EML1: variants seen among roughly 807,000 people sequenced by gnomAD.
EML1 encodes the protein echinoderm microtubule-associated protein-like 1.
A neutral mutation model predicts 110.4 loss-of-function variants in EML1; 27 were observed. The observed-to-expected ratio is 0.24, with a 90% CI of 0.18 to 0.34. The LOEUF (loss-of-function observed/expected upper bound fraction) is 0.34. EML1 is among the 10% of genes least tolerant of loss of function. EML1 has a pLI of 1.00. For synonymous variants in EML1, 344 were observed against 385.8 expected (o/e 0.89, Z 1.27); for missense variants, 741 against 1,030.9 (o/e 0.72, Z 3.85).
chr14:99,849,519 GTGTGTGTGTGTATA>G (rs2058756319), intron 1 of EML1, among the ~76,000 whole-genome samples: 2 of 134,618 alleles, frequency 1.5e-5, no homozygotes, highest in Admixed American at 7.2e-5. Flanking sequence ...GTGTGTGTGT[GTGTGTGTGTGTATA>G]TATATTTATT....
chr14:99,811,111 C>T (rs547173341), intron 1 of EML1, among the ~76,000 whole-genome samples: 1 of 152,090 alleles, frequency 6.6e-6, no homozygotes, highest in East Asian at 1.9e-4. Context: ...TTGAACAACG[C>T]AGGGGTTAGG....
intron 4 of EML1, among the ~76,000 whole-genome samples, chr14:99,888,484 A>G (rs202107923): frequency 6.6e-6 from 1 of 152,162 alleles, no homozygotes; most frequent in African/African-American, 2.4e-5. Flanking sequence ...CCCTTTGATT[A>G]TGTTTCTGTA....
intron 17 of EML1, among the ~76,000 whole-genome samples, chr14:99,928,021 T>C (rs1370861475): frequency 3.1e-5 from 4 of 128,494 alleles, no homozygotes; most frequent in Non-Finnish European, 5.1e-5. Context: ...GTGGTGGTGG[T>C]GGTGGTGGTG....
rs2058373245 is a variant in EML1, at chr14:99,827,085, G to A, written c.68-23768G>A. 6.6e-6 allele frequency among the ~76,000 whole-genome samples: 1 copy of A among 152,178 alleles called. No individual in the cohort carries two copies. The highest frequency in any genetic ancestry group is 2.1e-4 in the South Asian group (1 of 4,832). On this transcript the variant is annotated intron_variant, in intron 1 of 21. Coordinates refer to ENST00000262233, the MANE Select transcript of EML1 (RefSeq NM_004434.3). This position sits in a 1 kb window ranked among gnomAD's most constrained non-coding sequence, Gnocchi z 4.4. Reference sequence around the variant, plus strand: ...GGAGCCAGTCACTGACTGTAAATACGCTGGGGGGTATTTACATGTAGAGGG... The same window carrying A: ...GGAGCCAGTCACTGACTGTAAATACACTGGGGGGTATTTACATGTAGAGGG...
upstream of EML1, among the ~76,000 whole-genome samples, chr14:99,771,667 C>T (rs78125752): frequency 0.031 from 4,656 of 152,200 alleles, 154 homozygotes; most frequent in African/African-American, 0.089. Context: ...CAAAAATTAG[C>T]CAGGCATGGT....
Position 99,878,738 on chromosome 14 carries a change from A to C in EML1, c.518+119A>C, listed in dbSNP as rs1052398186. On this transcript the variant is annotated intron_variant, in intron 4 of 21. Transcript: ENST00000262233. ...AAGCTGGGAGTACTCTTGGAGAAGA[A>C]GACCTTCTCCTCAGGTATTTATAGG... 2.9e-5 allele frequency: 40 copies of C among 1,383,068 alleles called. 1 individual carries two copies. In the South Asian group the frequency reaches 3.9e-4, roughly 14 times the overall value. The allele number at this position is 1,383,068 out of a possible 1,614,324, so 85.7% of individuals were successfully genotyped here. A position where few individuals can be genotyped will look rare whatever the true frequency, so the allele number is the denominator to read the frequency against.
chr14:99,770,779 ATTTTTTTTTTT>A (rs34744469), upstream of EML1, among the ~76,000 whole-genome samples: 4 of 91,640 alleles, frequency 4.4e-5, no homozygotes, highest in Admixed American at 1.5e-4. Flanking sequence ...GTTTCCGCTG[ATTTTTTTTTTT>A]TTTTTTTTTT....
chr14:99,745,318 G>A (rs1158682381), intron 1 of EML1, among the ~76,000 whole-genome samples: 2 of 152,092 alleles, frequency 1.3e-5, no homozygotes, highest in Non-Finnish European at 2.9e-5. Flanking sequence ...CGCCTGCTTC[G>A]GCCTCCCAAA....
chr14:99,743,589 C>A (rs1010842298), intron 1 of EML1, among the ~76,000 whole-genome samples: 1 of 152,206 alleles, frequency 6.6e-6, no homozygotes, highest in African/African-American at 2.4e-5. Flanking sequence ...CAGGCCAGCA[C>A]GTGGCTCTGC....
At chr14:99,796,105 T>C in intron 1 of EML1, among the ~76,000 whole-genome samples, 1 of 151,250 alleles carries the variant, frequency 6.6e-6, no homozygotes, top group East Asian at 1.9e-4. Context: ...GAGGATTGAT[T>C]GAGCCCAGAA....
intron 4 of EML1, among the ~76,000 whole-genome samples, chr14:99,881,886 A>G (rs1156436424): frequency 6.6e-6 from 1 of 152,206 alleles, no homozygotes; most frequent in Non-Finnish European, 1.5e-5. Flanking sequence ...GGCGTGAGCC[A>G]CCGCACCTGG....
chr14:99,869,114 A>T (rs1442204761), intron 3 of EML1, among the ~76,000 whole-genome samples: 1 of 152,220 alleles, frequency 6.6e-6, no homozygotes, highest in African/African-American at 2.4e-5. Context: ...TGTAGCAAAT[A>T]CATGCATGCC....
intron 1 of EML1, among the ~76,000 whole-genome samples, chr14:99,842,673 A>G (rs2058651421): frequency 6.6e-6 from 1 of 152,196 alleles, no homozygotes; most frequent in Admixed American, 6.5e-5. Context: ...ATATAAATTC[A>G]GCAATATAAT....
chr14:99,776,433 G>T (rs1595267164), intron 1 of EML1, among the ~76,000 whole-genome samples: 2 of 152,004 alleles, frequency 1.3e-5, no homozygotes, highest in Non-Finnish European at 2.9e-5. Context: ...GAACCTGGGA[G>T]GTAGAGGTTG....
chr14:99,914,238 G>C lies in EML1; in HGVS notation c.1554G>C (p.Leu518Phe). The change falls in exon 14 of 22, where the codon TTG (leucine) becomes TTC (phenylalanine). Residue 518 changes from leucine to phenylalanine, a missense_variant. Around this residue, in one of 4 missense-constraint regions of EML1, gnomAD observed 388 missense variants for 605.6 expected, o/e 0.64. Transcript: ENST00000262233. ...TVAEGKGDVI[L>F]IGTTRNFVLQ... ...CCGAGGGGAAAGGCGATGTGATCTT[G>C]ATTGGCACAACTCGAAACTTTGTCC... 6.2e-7 allele frequency: 1 copy of C among 1,614,060 alleles called. No homozygotes were observed.
chr14:99,920,953 T>A, intron 17 of EML1, 76 bp downstream of exon 17: 1 of 1,390,808 alleles, frequency 7.2e-7, no homozygotes, highest in South Asian at 1.2e-5. Flanking sequence ...ATGTGCAGGA[T>A]GTGTCGGTTT....
intron 1 of EML1, among the ~76,000 whole-genome samples, chr14:99,822,091 C>T (rs953388577): frequency 2.0e-5 from 3 of 152,132 alleles, no homozygotes; most frequent in African/African-American, 7.2e-5. Context: ...ATTTTGCAGC[C>T]CTCCAGGTGG....
intron 7 of EML1, 32 bp from the exon 8 acceptor site, chr14:99,898,201 A>C: frequency 6.4e-7 from 1 of 1,556,790 alleles, no homozygotes; most frequent in South Asian, 1.2e-5. Flanking sequence ...TACCTGCAAC[A>C]TGTAGATGTT....
intron 1 of EML1, among the ~76,000 whole-genome samples, chr14:99,838,629 GT>G (rs564626879): frequency 8.5e-4 from 126 of 147,876 alleles, no homozygotes; most frequent in Non-Finnish European, 1.6e-3. Context: ...AAAAGCTGTA[GT>G]TTTTTTTTTT....
Sources: allele counts gnomAD v4.1 joint callset (sites outside exome capture counted in the v4.1 genomes callset), GRCh38; gene constraint gnomAD v4.1.1; regional missense constraint gnomAD v4.1.1; non-coding constraint Gnocchi (gnomAD v3.1); transcripts MANE v1.5; gene names NCBI Gene and HGNC (gene_info 2026-07-23, HGNC 2026-07-21).